PRKCE: variants seen among roughly 807,000 people sequenced by gnomAD.
PRKCE encodes protein kinase C epsilon.
In PRKCE, 16 loss-of-function variants were observed where a neutral mutation model predicts 85.4. The observed-to-expected ratio is 0.19, with a 90% CI of 0.13 to 0.28. PRKCE has a LOEUF of 0.28. Ranked by LOEUF, PRKCE falls within the 10% of genes least tolerant of loss-of-function variation. The pLI, the probability that PRKCE is intolerant of heterozygous loss-of-function variation, is 1.00. For missense variants in PRKCE, 573 were observed against 975.2 expected (o/e 0.59, Z 5.49); for synonymous variants, 388 against 371.5 (o/e 1.04, Z -0.51).
intron 2 of PRKCE, among the ~76,000 whole-genome samples, chr2:45,952,834 A>C (rs1355280571): frequency 6.6e-6 from 1 of 152,234 alleles, no homozygotes; most frequent in Non-Finnish European, 1.5e-5. Flanking sequence ...GCCATGTCAC[A>C]TTAAAAGTCT....
intron 2 of PRKCE, among the ~76,000 whole-genome samples, chr2:45,917,993 C>T (rs984866862): frequency 6.6e-6 from 1 of 152,250 alleles, no homozygotes; most frequent in Non-Finnish European, 1.5e-5. Flanking sequence ...AGCCCACGCC[C>T]ACCCGGAACT....
At position 46,043,534 on chromosome 2, in the gene PRKCE, A is replaced by G. The variant is rs368362192; in HGVS notation, c.1437+33017A>G. ...CCTAGAGATAAGGCCATTGTTGCCT[A>G]TAAGGTATTATGGTAAGTAATAGAA... is the stretch of plus-strand genomic sequence containing the variant. On this transcript the variant is annotated intron_variant, in intron 10 of 14. Coordinates refer to ENST00000306156, the MANE Select transcript of PRKCE (RefSeq NM_005400.3). Among the ~76,000 whole-genome samples, 31 of 152,328 alleles carry G rather than the reference A, an allele frequency of 2.0e-4. 1 individual carries two copies. Among genetic ancestry groups the G allele is most frequent in the South Asian group, 1.5e-3 (7 of 4,826 alleles).
In PRKCE at chr2:45,873,334, G is replaced by A. The variant is rs115056569; in HGVS notation, c.412+30271G>A. On this transcript the variant is annotated intron_variant, in intron 2 of 14. Transcript: ENST00000306156. ...GCAACATCCTAAGGCAACATCAGTA[G>A]ACTTGTCTTGTTGAGCAGAGAATGG... Among the ~76,000 whole-genome samples the A allele has an allele frequency of 3.9e-3, 600 of 152,200 alleles. 4 individuals carry two copies. Among genetic ancestry groups the A allele is most frequent in the African/African-American group, 0.014 (572 of 41,530 alleles).
rs560353563 is a variant in PRKCE, at chr2:45,672,420, A to G, written c.348+19972A>G. On this transcript the variant is annotated intron_variant, in intron 1 of 14. Coordinates refer to ENST00000306156, the MANE Select transcript of PRKCE (RefSeq NM_005400.3). ...CATCTATGTATCCATCCATCCATCT[A>G]TTCATCTATCTCTCCATCCATCCAT... 3.9e-5 allele frequency among the ~76,000 whole-genome samples: 6 copies of G among 152,212 alleles called. No homozygotes were observed. In the East Asian group the frequency reaches 9.7e-4, roughly 25 times the overall value.
Position 46,159,245 on chromosome 2 carries a change from G to A in PRKCE, c.1921-361G>A, listed in dbSNP as rs142568311. Among the ~76,000 whole-genome samples the A allele has an allele frequency of 1.3e-5, 2 of 152,338 alleles. No homozygotes were observed. Among genetic ancestry groups the A allele is most frequent in the African/African-American group, 4.8e-5 (2 of 41,578 alleles). On this transcript the variant is annotated intron_variant, in intron 13 of 14. Transcript: ENST00000306156. This position sits in a 1 kb window ranked among gnomAD's most constrained non-coding sequence, Gnocchi z 4.1. The stretch of plus-strand genomic sequence containing the variant: ...GAATCTGAGGGGGATCACAGAGTCA[G>A]TAAGAGCCAGAGTGCATAATCCCAG...
chr2:46,141,249 A>G (rs952583340), intron 11 of PRKCE, among the ~76,000 whole-genome samples: 12 of 152,246 alleles, frequency 7.9e-5, no homozygotes, highest in South Asian at 2.1e-4. Context: ...ATGTCCCCCA[A>G]TAAATACAGT....
intron 10 of PRKCE, among the ~76,000 whole-genome samples, chr2:46,026,503 A>G (rs903671913): frequency 6.6e-6 from 1 of 152,204 alleles, no homozygotes; most frequent in African/African-American, 2.4e-5. Flanking sequence ...CTGATCTTTA[A>G]TTCTACCAAA....
At position 45,967,764 on chromosome 2, in the gene PRKCE, G is replaced by C. The variant is rs970705805; in HGVS notation, c.413-8665G>C. On this transcript the variant is annotated intron_variant, in intron 2 of 14. Coordinates refer to ENST00000306156, the MANE Select transcript of PRKCE (RefSeq NM_005400.3). Reference sequence around the variant, plus strand: ...GCTGCTCCTCTCAGCTTGAGGTTTGGGTTGAGCCATGGAATTGCCCCTCTC... The same window carrying C: ...GCTGCTCCTCTCAGCTTGAGGTTTGCGTTGAGCCATGGAATTGCCCCTCTC... Among the ~76,000 whole-genome samples the C allele has an allele frequency of 1.6e-4, 25 of 152,134 alleles. 1 individual carries two copies. Among genetic ancestry groups the C allele is most frequent in the African/African-American group, 5.8e-4 (24 of 41,486 alleles).
At chr2:45,704,629 G>C (rs1678954245) in intron 1 of PRKCE, among the ~76,000 whole-genome samples, 1 of 152,168 alleles carries the variant, frequency 6.6e-6, no homozygotes, top group South Asian at 2.1e-4. Flanking sequence ...CATCTGAAAA[G>C]TGAGCATCGC....
At chr2:46,082,686 G>T (rs6712557) in intron 10 of PRKCE, among the ~76,000 whole-genome samples, 1 of 152,008 alleles carries the variant, frequency 6.6e-6, no homozygotes, top group Non-Finnish European at 1.5e-5. Context: ...GGGAAGAGGC[G>T]AAGCCCATGA....
At chr2:45,818,084 C>T (rs75996100) in intron 1 of PRKCE, among the ~76,000 whole-genome samples, 19,321 of 152,154 alleles carry the variant, frequency 0.13, 1,582 homozygotes, top group East Asian at 0.23. Context: ...ACTTTTTCTC[C>T]TTCATGGGAT....
At chr2:45,724,130 T>C (rs941101193) in intron 1 of PRKCE, among the ~76,000 whole-genome samples, 1 of 152,244 alleles carries the variant, frequency 6.6e-6, no homozygotes, top group Non-Finnish European at 1.5e-5. Context: ...GATTGGAAGT[T>C]TGTGGCAAGC....
chr2:46,153,096 T>C (rs1307709238), intron 13 of PRKCE, among the ~76,000 whole-genome samples: 1 of 152,160 alleles, frequency 6.6e-6, no homozygotes, highest in African/African-American at 2.4e-5. Flanking sequence ...TCCAACATGC[T>C]AGGCATGGTG....
chr2:45,979,078 G>A lies in PRKCE; in HGVS notation c.607+68G>A, dbSNP rs547432631. The A allele has an allele frequency of 5.5e-6, 8 of 1,456,874 alleles. No homozygotes were observed. In the East Asian group the frequency reaches 1.6e-4, roughly 29 times the overall value. The allele number at this position is 1,456,874 out of a possible 1,614,324, so 90.2% of individuals were successfully genotyped here. A position where few individuals can be genotyped will look rare whatever the true frequency, so the allele number is the denominator to read the frequency against. On this transcript the variant is annotated intron_variant, in intron 4 of 14. Coordinates refer to ENST00000306156, the MANE Select transcript of PRKCE (RefSeq NM_005400.3). ...AGATCCAGATCACTGGCACCCATAGGAGGCAGGTGCTCAGTCTGATGACAT... is the reference window on the plus strand; with the variant it reads ...AGATCCAGATCACTGGCACCCATAGAAGGCAGGTGCTCAGTCTGATGACAT...
intron 11 of PRKCE, among the ~76,000 whole-genome samples, chr2:46,111,491 T>C (rs1672250033): frequency 6.6e-6 from 1 of 152,206 alleles, no homozygotes; most frequent in Non-Finnish European, 1.5e-5. Context: ...AATCATCCCC[T>C]AGTCCTTCCA....
intron 11 of PRKCE, among the ~76,000 whole-genome samples, chr2:46,089,748 G>A (rs1669983228): frequency 6.6e-6 from 1 of 152,006 alleles, no homozygotes; most frequent in African/African-American, 2.4e-5. Flanking sequence ...CAGAGGAGAT[G>A]GAGTTTTATG....
At chr2:45,938,130 T>C (rs1200769058) in intron 2 of PRKCE, among the ~76,000 whole-genome samples, 1 of 152,192 alleles carries the variant, frequency 6.6e-6, no homozygotes, top group African/African-American at 2.4e-5. Context: ...AAATGAAGAA[T>C]TAAAGACTGT....
intron 11 of PRKCE, among the ~76,000 whole-genome samples, chr2:46,130,700 C>G (rs1674349202): frequency 6.6e-6 from 1 of 152,236 alleles, no homozygotes; most frequent in African/African-American, 2.4e-5. Context: ...CCTCATTGCT[C>G]TGTTTCCACT....
At chr2:45,955,429 A>C (rs923511011) in intron 2 of PRKCE, among the ~76,000 whole-genome samples, 7 of 152,324 alleles carry the variant, frequency 4.6e-5, no homozygotes, top group Admixed American at 4.6e-4. Context: ...CAGACAGTGC[A>C]GGGGACCTTG....
Sources: allele counts gnomAD v4.1 joint callset (sites outside exome capture counted in the v4.1 genomes callset), GRCh38; gene constraint gnomAD v4.1.1; non-coding constraint Gnocchi (gnomAD v3.1); transcripts MANE v1.5; gene names NCBI Gene and HGNC (gene_info 2026-07-23, HGNC 2026-07-21).